Variants in NUP62CL observed in about 807,000 individuals in gnomAD.
NUP62CL encodes the protein nucleoporin-62 C-terminal-like protein.
A neutral mutation model predicts 15.3 loss-of-function variants in NUP62CL; 13 were observed. The observed-to-expected ratio is 0.85, with a 90% CI of 0.55 to 1.35. NUP62CL has a LOEUF of 1.35. Among genes scored for constraint, NUP62CL ranks in the 40% most tolerant of loss-of-function variants. The pLI is 0.00. For missense variants in NUP62CL, 123 were observed against 130.6 expected (o/e 0.94, Z 0.28); for synonymous variants, 54 against 49.2 (o/e 1.10, Z -0.41).
chrX:107,155,723 A>C (rs1226962367), intron 4 of NUP62CL, among the ~76,000 whole-genome samples: 1 of 112,665 alleles, frequency 8.9e-6, no homozygotes, highest in African/African-American at 3.2e-5. Context: ...TCCTAACATA[A>C]TAGACAAAAT....
At chrX:107,126,441 GAACA>G (rs1292750516) in intron 8 of NUP62CL, among the ~76,000 whole-genome samples, 2 of 111,881 alleles carry the variant, frequency 1.8e-5, no homozygotes, top group Non-Finnish European at 3.8e-5. Context: ...TGAAAAATAA[GAACA>G]AACTGTAGGA....
intron 8 of NUP62CL, among the ~76,000 whole-genome samples, chrX:107,133,692 G>T (rs1459599059): frequency 8.9e-6 from 1 of 112,527 alleles, no homozygotes; most frequent in Non-Finnish European, 1.9e-5. Flanking sequence ...TGTGATCCCG[G>T]CACTTTGGGA....
intron 7 of NUP62CL, among the ~76,000 whole-genome samples, chrX:107,151,515 C>CCACA (rs59950269): frequency 0.019 from 1,840 of 98,721 alleles, 26 homozygotes; most frequent in African/African-American, 0.049. Flanking sequence ...TCCACCCAAA[C>CCACA]CACACACACA....
Position 107,172,844 on chromosome X carries a change from T to G in NUP62CL, c.58+2245A>C, listed in dbSNP as rs947874522. ...GCATCATTGATATCAACTGTCTCAT[T>G]GTACTCTTTGGCAATCATCTACATA... On this transcript the variant is annotated intron_variant, in intron 3 of 8. Transcript: ENST00000372466. 1.6e-4 allele frequency among the ~76,000 whole-genome samples: 18 copies of G among 112,005 alleles called. No individual in the cohort carries two copies. The East Asian group carries it at 1.7e-3, about 10-fold the overall frequency.
At chrX:107,181,057 C>G (rs753375087) in intron 2 of NUP62CL, among the ~76,000 whole-genome samples, 1 of 107,365 alleles carries the variant, frequency 9.3e-6, no homozygotes, top group African/African-American at 3.4e-5. Context: ...GCTGGGACTA[C>G]AGGCATGCAT....
intron 8 of NUP62CL, among the ~76,000 whole-genome samples, chrX:107,128,727 C>G (rs745519116): frequency 9.0e-6 from 1 of 111,293 alleles, no homozygotes; most frequent in Non-Finnish European, 1.9e-5. Flanking sequence ...GTAGAGTACT[C>G]CAGGCAAAAG....
At position 107,148,688 on chromosome X, in the gene NUP62CL, T is replaced by C. The variant is rs188537353; in HGVS notation, c.531-879A>G. On this transcript the variant is annotated intron_variant, in intron 7 of 8. Transcript: ENST00000372466. ...AATATAGATGACTTAATTTTCCTTATGGATTTTGTAAGAAAATGTGACTGA... is the reference window on the plus strand; with the variant it reads ...AATATAGATGACTTAATTTTCCTTACGGATTTTGTAAGAAAATGTGACTGA... Among the ~76,000 whole-genome samples, 535 of 111,726 alleles carry C rather than the reference T, an allele frequency of 4.8e-3. 4 individuals carry two copies. Among genetic ancestry groups the C allele is most frequent in the African/African-American group, 0.016 (486 of 30,835 alleles).
chrX:107,175,089 A>C lies in NUP62CL; in HGVS notation c.58T>G (p.Phe20Val). 8.4e-7 allele frequency: 1 copy of C among 1,195,440 alleles called. No individual in the cohort carries two copies. Among genetic ancestry groups the C allele is most frequent in the South Asian group, 1.8e-5 (1 of 56,022 alleles). The change falls in exon 3 of 9, where the codon TTT becomes GTT. Residue 20 changes from phenylalanine (F) to valine (V), a missense_variant and splice_region_variant. By Grantham distance (50) the Phe-to-Val change is conservative. Transcript: ENST00000372466. Reference protein sequence around the residue: ...LTSTAAIGLSFTTSTTTTATF... With the variant: ...LTSTAAIGLSVTTSTTTTATF... ...ATTTTCTTTAGAATTAGTAACTTAC[A>C]TGAGAGCCCAATAGCAGCAGTGGAG...
chrX:107,193,179 C>T (rs1927284625), intron 1 of NUP62CL, 107 bp from the exon 2 acceptor site: 1 of 112,036 alleles, frequency 8.9e-6, no homozygotes, highest in African/African-American at 3.2e-5. Context: ...CCTCGTACTC[C>T]AAACTTCTAG....
rs776077933 is a variant in NUP62CL, at chrX:107,147,766, A to G, written c.*19T>C. 1.7e-6 allele frequency: 2 copies of G among 1,189,080 alleles called. No individual in the cohort carries two copies. The highest frequency in any genetic ancestry group is 3.5e-5 in the South Asian group (2 of 56,346). On this transcript the variant is annotated 3_prime_UTR_variant, in exon 8 of 9. Transcript: ENST00000372466. Reference sequence around the variant, plus strand: ...ACCTGAATTCCGATCAATCCACTGCAGGGAGTCCATATGGGCATTCAGAAT... The same window carrying G: ...ACCTGAATTCCGATCAATCCACTGCGGGGAGTCCATATGGGCATTCAGAAT...
intron 7 of NUP62CL, among the ~76,000 whole-genome samples, chrX:107,148,328 GTTATCCA>G (rs1345090477): frequency 9.0e-6 from 1 of 111,257 alleles, no homozygotes; most frequent in Non-Finnish European, 1.9e-5. Context: ...TTCTATTTCC[GTTATCCA>G]GAGGAGATAA....
intron 3 of NUP62CL, among the ~76,000 whole-genome samples, chrX:107,174,832 C>T (rs1323739044): frequency 8.9e-6 from 1 of 111,962 alleles, no homozygotes; most frequent in East Asian, 2.8e-4. Context: ...GGAGTTGTTT[C>T]AATGCATCAC....
intron 8 of NUP62CL, among the ~76,000 whole-genome samples, chrX:107,133,683 G>A (rs7883009): frequency 0.24 from 26,787 of 111,887 alleles, 2,590 homozygotes; most frequent in East Asian, 0.47. Context: ...GCTCACGCCT[G>A]TGATCCCGGC....
intron 4 of NUP62CL, among the ~76,000 whole-genome samples, chrX:107,162,259 T>C (rs765000035): frequency 9.1e-6 from 1 of 109,615 alleles, no homozygotes; most frequent in South Asian, 3.9e-4. Flanking sequence ...AGCAGTAACA[T>C]TTGTATAATA....
chrX:107,126,865 A>T lies in NUP62CL; in HGVS notation c.*43-2533T>A, dbSNP rs756168528. Among the ~76,000 whole-genome samples, 25 of 111,478 alleles carry T rather than the reference A, an allele frequency of 2.2e-4. No individual in the cohort carries two copies. The South Asian group carries it at 9.5e-3, about 43-fold the overall frequency. ...CCTGGCCAACCTTGTGAAACCCTGT[A>T]TCTACTAAAAATACAAAAATTAGCC... On this transcript the variant is annotated intron_variant, in intron 8 of 8. Transcript: ENST00000372466.
chrX:107,171,798 G>T (rs1926657251), intron 3 of NUP62CL, among the ~76,000 whole-genome samples: 1 of 110,884 alleles, frequency 9.0e-6, no homozygotes, highest in Non-Finnish European at 1.9e-5. Context: ...ATAGATAAGG[G>T]CTGGGTATGA....
At chrX:107,150,855 C>T (rs1291262805) in intron 7 of NUP62CL, 1 of 340,174 alleles carries the variant, frequency 2.9e-6, no homozygotes, top group Non-Finnish European at 5.9e-6. Context: ...AGTAAACACA[C>T]CGGATCAGTA....
intron 8 of NUP62CL, among the ~76,000 whole-genome samples, chrX:107,133,427 C>T (rs745836712): frequency 9.0e-5 from 10 of 111,366 alleles, no homozygotes; most frequent in African/African-American, 2.9e-4. Flanking sequence ...CTTGAACTCC[C>T]GGGCTCAGGC....
intron 7 of NUP62CL, among the ~76,000 whole-genome samples, chrX:107,148,826 G>A (rs140835297): frequency 0.023 from 2,517 of 111,381 alleles, 28 homozygotes; most frequent in Non-Finnish European, 0.035. Flanking sequence ...TCTCATCACC[G>A]TGAATACTGG....
Sources: gnomAD v4.1 joint callset for allele counts (sites outside exome capture counted in the v4.1 genomes callset) on GRCh38, gnomAD v4.1.1 for gene constraint, MANE v1.5 for transcripts, NCBI Gene and HGNC (gene_info 2026-07-23, HGNC 2026-07-21) for gene names.